The following TDRD9 variants were observed in gnomAD, a reference collection of about 807,000 sequenced individuals.
The protein encoded by TDRD9 is ATP-dependent RNA helicase TDRD9.
TDRD9 carries 124 observed loss-of-function variants against 172.6 expected under a neutral mutation model. That is an observed-to-expected ratio of 0.72 (90% CI 0.62 to 0.83). The LOEUF (loss-of-function observed/expected upper bound fraction) is 0.83, where lower values mean the gene tolerates loss of function less well. Among genes scored for constraint, TDRD9 ranks in the 40% least tolerant of loss-of-function variants. The pLI is 0.00. For missense variants in TDRD9, 1,479 were observed against 1,714.1 expected (o/e 0.86, Z 2.42); for synonymous variants, 619 against 617.1 (o/e 1.00, Z -0.05).
Position 104,004,288 on chromosome 14 carries a change from G to C in TDRD9, c.1534G>C (p.Asp512His). 1 of 1,606,126 alleles carries C rather than the reference G, an allele frequency of 6.2e-7. No individual in the cohort carries two copies. Among genetic ancestry groups the C allele is most frequent in the Non-Finnish European group, 8.5e-7 (1 of 1,174,540 alleles). Residue 512 changes from aspartate to histidine, a missense_variant, in exon 14 of 36, where the codon GAT becomes CAT. Asp to His is a moderately conservative substitution (Grantham distance 81). This residue lies in a region of TDRD9 where 1,413 missense variants were observed against 1,649.1 expected (regional missense o/e 0.86). Transcript: ENST00000409874. ...RGYCYRLVHK[D>H]FWDNSIPDHV... ...GTACTGTTACCGGCTGGTACACAAG[G>C]ATTTCTGGGACAACTCCATCCCTGA... is the stretch of plus-strand genomic sequence containing the variant.
At chr14:103,956,149 T>TATATATATATAA (rs1566738502) in intron 2 of TDRD9, among the ~76,000 whole-genome samples, 24 of 102,056 alleles carry the variant, frequency 2.4e-4, no homozygotes, top group Non-Finnish European at 3.7e-4. Flanking sequence ...TATATATATA[T>TATATATATATAA]AATTATTAGG....
chr14:103,980,052 A>T lies in TDRD9; in HGVS notation c.1011+4499A>T, dbSNP rs184400879. Among the ~76,000 whole-genome samples, 2,500 of 152,012 alleles carry T rather than the reference A, an allele frequency of 0.016. 72 individuals carry two copies. Among genetic ancestry groups the T allele is most frequent in the African/African-American group, 0.057 (2,354 of 41,456 alleles). On this transcript the variant is annotated intron_variant, in intron 7 of 35. Coordinates refer to ENST00000409874, the MANE Select transcript of TDRD9 (RefSeq NM_153046.3). The surrounding 1 kb of genome is among the most constrained non-coding windows in gnomAD (Gnocchi z 4.5). Reference sequence around the variant, plus strand: ...CACCATGCTTGGCTAATTAAAAAAAATTTTTTTGTGGAGATAGGGTCTTGC... The same window carrying T: ...CACCATGCTTGGCTAATTAAAAAAATTTTTTTTGTGGAGATAGGGTCTTGC...
chr14:103,940,530 G>A (rs994312706), intron 1 of TDRD9: 1 of 287,276 alleles, frequency 3.5e-6, no homozygotes, highest in African/African-American at 2.2e-5. Context: ...TCATACTAAA[G>A]TTGCTTTAGT....
At chr14:103,949,579 C>G (rs1566732340) in intron 1 of TDRD9, among the ~76,000 whole-genome samples, 1 of 152,192 alleles carries the variant, frequency 6.6e-6, no homozygotes, top group East Asian at 1.9e-4. Flanking sequence ...GTGCAATATG[C>G]ATAACACAAT....
chr14:104,045,740 G>C (rs895850288), intron 34 of TDRD9, among the ~76,000 whole-genome samples: 1 of 152,192 alleles, frequency 6.6e-6, no homozygotes, highest in Non-Finnish European at 1.5e-5. Context: ...AGAGAGTATG[G>C]ATTGTTGTAA....
intron 22 of TDRD9, among the ~76,000 whole-genome samples, chr14:104,016,965 G>C (rs540403729): frequency 5.3e-5 from 8 of 152,296 alleles, no homozygotes; most frequent in South Asian, 2.1e-4. Flanking sequence ...AGGAGCTGGT[G>C]CTCTGGAGAT....
intron 2 of TDRD9, among the ~76,000 whole-genome samples, chr14:103,961,133 A>G (rs1415528997): frequency 6.6e-6 from 1 of 152,204 alleles, no homozygotes; most frequent in Admixed American, 6.5e-5. Context: ...ATTATGTTCA[A>G]GAAGGCCTAG....
chr14:103,948,384 A>G (rs900411562), intron 1 of TDRD9, among the ~76,000 whole-genome samples: 2 of 152,130 alleles, frequency 1.3e-5, no homozygotes, highest in Non-Finnish European at 2.9e-5. Context: ...ACCCCTGTGT[A>G]CTGTTGGTGA....
Position 104,005,193 on chromosome 14 carries a change from C to T in TDRD9, c.1582-81C>T, listed in dbSNP as rs1051305705. On this transcript the variant is annotated intron_variant, in intron 14 of 35. Coordinates refer to ENST00000409874, the MANE Select transcript of TDRD9 (RefSeq NM_153046.3). Reference sequence around the variant, plus strand: ...TCCTCTCCTTCTCTCCTCCTCTTTCCCTCTGAAGCACTGGTTATGTGAATC... The same window carrying T: ...TCCTCTCCTTCTCTCCTCCTCTTTCTCTCTGAAGCACTGGTTATGTGAATC... 2.6e-5 allele frequency: 38 copies of T among 1,452,594 alleles called. 2 individuals are homozygous for T. In the South Asian group the frequency reaches 3.6e-4, roughly 14 times the overall value. 90.0% of individuals were successfully genotyped at this position (1,452,594 alleles called of 1,614,324 possible). A position where few individuals can be genotyped will look rare whatever the true frequency, so the allele number is the denominator to read the frequency against.
intron 25 of TDRD9, among the ~76,000 whole-genome samples, chr14:104,024,977 G>GA (rs1036215373): frequency 9.9e-5 from 15 of 151,830 alleles, no homozygotes; most frequent in Admixed American, 3.3e-4. Context: ...CATGTTAGAG[G>GA]AAAAAAAAGT....
chr14:103,969,188 AC>A (rs2032910176), intron 5 of TDRD9, among the ~76,000 whole-genome samples: 1 of 140,366 alleles, frequency 7.1e-6, no homozygotes. Flanking sequence ...TTTTTTGAGT[AC>A]TGCTATGGAA....
intron 19 of TDRD9, among the ~76,000 whole-genome samples, chr14:104,007,857 A>C (rs563478155): frequency 6.6e-6 from 1 of 151,800 alleles, no homozygotes; most frequent in African/African-American, 2.4e-5. Flanking sequence ...GGCTCACTGC[A>C]AGCTCTGTCT....
intron 11 of TDRD9, among the ~76,000 whole-genome samples, chr14:103,994,865 G>A (rs2034000289): frequency 6.6e-6 from 1 of 151,696 alleles, no homozygotes; most frequent in Non-Finnish European, 1.5e-5. Flanking sequence ...TGAGGTGGGA[G>A]ACTTGTGCCT....
chr14:104,040,783 G>C (rs1050567237), intron 33 of TDRD9, among the ~76,000 whole-genome samples: 2 of 152,212 alleles, frequency 1.3e-5, no homozygotes, highest in Non-Finnish European at 2.9e-5. Context: ...GTGCAGAGCT[G>C]AGCTGCTTGC....
At chr14:103,993,335 T>C (rs1254696461) in intron 9 of TDRD9, among the ~76,000 whole-genome samples, 1 of 152,162 alleles carries the variant, frequency 6.6e-6, no homozygotes, top group Non-Finnish European at 1.5e-5. Context: ...GAAGAAAATA[T>C]TTATAAGTGA....
intron 4 of TDRD9, among the ~76,000 whole-genome samples, chr14:103,965,840 G>T (rs1386097390): frequency 6.6e-6 from 1 of 151,948 alleles, no homozygotes; most frequent in East Asian, 1.9e-4. Flanking sequence ...AGCTACTCGG[G>T]AGGCTGTGGC....
intron 13 of TDRD9, among the ~76,000 whole-genome samples, chr14:104,003,431 T>G (rs1177594819): frequency 6.6e-6 from 1 of 152,196 alleles, no homozygotes; most frequent in Non-Finnish European, 1.5e-5. Context: ...GGTTCACCCC[T>G]CTTGACCTAC....
Position 104,006,446 on chromosome 14 carries a change from T to C in TDRD9, c.1771T>C (p.Leu591=), listed in dbSNP as rs1366822688. Residue 591 remains leucine, a synonymous_variant, in exon 16 of 36, where the codon TTG becomes CTG. Transcript: ENST00000409874. The stretch of plus-strand genomic sequence containing the variant: ...AGATGAAAACCCCCATGATGGTGAA[T>C]TGACCTTCTTAGGAAGAGTTTTAGC... The part of the protein sequence containing the change: ...REDENPHDGE[L]TFLGRVLAQL... 1.2e-6 allele frequency: 2 copies of C among 1,613,934 alleles called. No individual in the cohort carries two copies. Among genetic ancestry groups the C allele is most frequent in the Non-Finnish European group, 1.7e-6 (2 of 1,179,832 alleles).
chr14:103,965,087 C>A (rs931514095), intron 3 of TDRD9, among the ~76,000 whole-genome samples: 1 of 151,984 alleles, frequency 6.6e-6, no homozygotes, highest in Non-Finnish European at 1.5e-5. Flanking sequence ...TGGTACACGC[C>A]TGTAGTCCCA....
Sources: gnomAD v4.1 joint callset for allele counts (sites outside exome capture counted in the v4.1 genomes callset) on GRCh38, gnomAD v4.1.1 for gene constraint, gnomAD v4.1.1 regional missense constraint, Gnocchi (gnomAD v3.1) non-coding constraint, MANE v1.5 for transcripts, NCBI Gene and HGNC (gene_info 2026-07-23, HGNC 2026-07-21) for gene names.